The following MCF2L2 variants were observed in gnomAD, a reference collection of about 807,000 sequenced individuals.
The protein encoded by MCF2L2 is MCF.2 cell line derived transforming sequence-like 2.
A neutral mutation model predicts 150.2 loss-of-function variants in MCF2L2; 102 were observed. That is an observed-to-expected ratio of 0.68 (90% CI 0.58 to 0.80). The LOEUF (loss-of-function observed/expected upper bound fraction) is 0.80. MCF2L2 is among the 30% of genes least tolerant of loss of function. MCF2L2 has a pLI of 0.00. For missense variants in MCF2L2, 1,256 were observed against 1,372.8 expected, an observed-to-expected ratio of 0.91 and a Z score of 1.34; for synonymous variants, 465 against 491.3, an observed-to-expected ratio of 0.95 and a Z score of 0.71.
intron 25 of MCF2L2, among the ~76,000 whole-genome samples, chr3:183,201,973 TC>T (rs1473350856): frequency 3.9e-5 from 6 of 152,180 alleles, no homozygotes; most frequent in African/African-American, 1.4e-4. Context: ...TGGCTGTGTC[TC>T]AGTATGACTA....
chr3:183,400,724 G>A (rs910082254), intron 1 of MCF2L2, among the ~76,000 whole-genome samples: 8 of 152,122 alleles, frequency 5.3e-5, no homozygotes, highest in African/African-American at 1.7e-4. Context: ...GGATGACAGC[G>A]AGGGACATCC....
In MCF2L2 at chr3:183,206,942, GAA is replaced by G. The variant is rs1342415324; in HGVS notation, c.2712+664_2712+665del. ...GGAAGGAAGGAAGGAAGGAAGGAAG[GAA>G]GGAAGGAAGGAAGGAAGGAAGGAAG... On this transcript the variant is annotated intron_variant, in intron 23 of 29. Coordinates refer to ENST00000328913, the MANE Select transcript of MCF2L2 (RefSeq NM_015078.4). Among the ~76,000 whole-genome samples, 15 of 42,822 alleles carry G rather than the reference GAA, an allele frequency of 3.5e-4. No homozygotes were observed. The East Asian group carries it at 4.9e-3, about 14-fold the overall frequency. The allele number at this position is 42,822 out of a possible 152,430, so 28.1% of individuals were successfully genotyped here. A position where few individuals can be genotyped will look rare whatever the true frequency, so the allele number is the denominator to read the frequency against.
intron 25 of MCF2L2, among the ~76,000 whole-genome samples, chr3:183,203,790 A>G (rs1722379453): frequency 6.6e-6 from 1 of 152,268 alleles, no homozygotes; most frequent in African/African-American, 2.4e-5. Context: ...ACACCTAGAG[A>G]TAACATAATC....
chr3:183,213,789 T>A, intron 22 of MCF2L2, among the ~76,000 whole-genome samples: 1 of 152,236 alleles, frequency 6.6e-6, no homozygotes, highest in East Asian at 1.9e-4. Flanking sequence ...GATCTTCTTT[T>A]GAATCAGAAG....
chr3:183,314,793 T>A (rs1729528491), intron 7 of MCF2L2, among the ~76,000 whole-genome samples: 1 of 149,238 alleles, frequency 6.7e-6, no homozygotes, highest in Non-Finnish European at 1.5e-5. Flanking sequence ...TATAGAATCT[T>A]TGATTAAAAG....
chr3:183,263,230 T>G (rs1024173016), intron 15 of MCF2L2, among the ~76,000 whole-genome samples: 1 of 152,146 alleles, frequency 6.6e-6, no homozygotes, highest in Non-Finnish European at 1.5e-5. Context: ...ATACACACCA[T>G]AAGGTGTCCT....
chr3:183,321,208 C>T (rs573700136), intron 6 of MCF2L2, among the ~76,000 whole-genome samples: 44 of 152,218 alleles, frequency 2.9e-4, no homozygotes, highest in South Asian at 6.2e-4. Flanking sequence ...GAGGCCAAGG[C>T]GGGCAGACCA....
In MCF2L2 at chr3:183,270,559, C is replaced by T; in HGVS notation, c.1862+6313G>A. ...TGGCCAGCTTACCCTGACTACACAG[C>T]CGGAGCTGCCTATGTAATCTCCGGT... On this transcript the variant is annotated intron_variant, in intron 15 of 29. Transcript: ENST00000328913. The surrounding 1 kb of genome is among the most constrained non-coding windows in gnomAD (Gnocchi z 4.5). 6.2e-7 allele frequency: 1 copy of T among 1,614,140 alleles called. No individual in the cohort carries two copies. Among genetic ancestry groups the T allele is most frequent in the Non-Finnish European group, 8.5e-7 (1 of 1,180,024 alleles).
rs1036499284 is a variant in MCF2L2, at chr3:183,197,464, A to G, written c.2885-2209T>C. Among the ~76,000 whole-genome samples, 36 of 152,202 alleles carry G rather than the reference A, an allele frequency of 2.4e-4. No homozygotes were observed. The highest frequency in any genetic ancestry group is 8.4e-4 in the African/African-American group (35 of 41,458). ...ATCAAAAACAGAAACAAACAAACAA[A>G]CAAACAAATACTCAAAATGGATCAG... On this transcript the variant is annotated intron_variant, in intron 25 of 29. Transcript: ENST00000328913. The surrounding 1 kb of genome is among the most constrained non-coding windows in gnomAD (Gnocchi z 4.5).
chr3:183,379,489 A>G (rs1270866558), intron 2 of MCF2L2, 78 bp from the exon 3 acceptor site: 2 of 924,362 alleles, frequency 2.2e-6, no homozygotes, highest in Admixed American at 2.3e-5. Flanking sequence ...GGGCGAAAGA[A>G]TATCGGTCAC....
intron 15 of MCF2L2, among the ~76,000 whole-genome samples, chr3:183,252,556 G>T (rs1724604628): frequency 6.6e-6 from 1 of 152,126 alleles, no homozygotes; most frequent in Non-Finnish European, 1.5e-5. Context: ...TGCTATGTTG[G>T]CCACGCTGGT....
intron 15 of MCF2L2, among the ~76,000 whole-genome samples, chr3:183,239,062 T>C (rs1166976576): frequency 6.7e-6 from 1 of 149,770 alleles, no homozygotes; most frequent in Non-Finnish European, 1.5e-5. Context: ...GTGTATATCA[T>C]GCAGATGAAC....
At chr3:183,355,941 C>G (rs984876669) in intron 3 of MCF2L2, among the ~76,000 whole-genome samples, 1 of 152,044 alleles carries the variant, frequency 6.6e-6, no homozygotes, top group Admixed American at 6.5e-5. Context: ...CCTCCTTCCC[C>G]CCTCCCCTCC....
chr3:183,383,534 C>T (rs530361203), intron 2 of MCF2L2, among the ~76,000 whole-genome samples: 1 of 152,156 alleles, frequency 6.6e-6, no homozygotes, highest in East Asian at 1.9e-4. Context: ...CCACCATGCC[C>T]GGCCAAGAGG....
At chr3:183,344,408 A>C (rs1730820390) in intron 3 of MCF2L2, among the ~76,000 whole-genome samples, 1 of 152,180 alleles carries the variant, frequency 6.6e-6, no homozygotes, top group Admixed American at 6.5e-5. Flanking sequence ...CCATCTTAAT[A>C]ATCACATTAA....
Position 183,305,985 on chromosome 3 carries a change from A to T in MCF2L2, c.1113+3731T>A, listed in dbSNP as rs1443237963. 6.6e-6 allele frequency among the ~76,000 whole-genome samples: 1 copy of T among 152,242 alleles called. No homozygotes were observed. Among genetic ancestry groups the T allele is most frequent in the Non-Finnish European group, 1.5e-5 (1 of 68,044 alleles). On this transcript the variant is annotated intron_variant, in intron 10 of 29. Transcript: ENST00000328913. This position sits in a 1 kb window ranked among gnomAD's most constrained non-coding sequence, Gnocchi z 4.1. ...ACCAACCATATTGCAAGCTGACCAC[A>T]TGAAGTCCCTACCACACATCTAACT...
intron 3 of MCF2L2, among the ~76,000 whole-genome samples, chr3:183,358,161 G>A (rs1239964917): frequency 1.3e-5 from 2 of 151,922 alleles, no homozygotes; most frequent in Non-Finnish European, 2.9e-5. Flanking sequence ...CATGATGGCG[G>A]GCACCTGTAA....
intron 3 of MCF2L2, among the ~76,000 whole-genome samples, chr3:183,358,655 C>G (rs1257540942): frequency 6.6e-6 from 1 of 152,124 alleles, no homozygotes; most frequent in East Asian, 1.9e-4. Context: ...GGATCTCATT[C>G]TATCTCTCAG....
chr3:183,347,313 C>T (rs889097330), intron 3 of MCF2L2, among the ~76,000 whole-genome samples: 8 of 152,258 alleles, frequency 5.3e-5, no homozygotes, highest in Admixed American at 4.6e-4. Context: ...GGAAAGGATT[C>T]CCTATTTAAT....
Sources: allele counts gnomAD v4.1 joint callset (sites outside exome capture counted in the v4.1 genomes callset), GRCh38; gene constraint gnomAD v4.1.1; non-coding constraint Gnocchi (gnomAD v3.1); transcripts MANE v1.5; gene names NCBI Gene and HGNC (gene_info 2026-07-23, HGNC 2026-07-21).